Variants in FSHR observed in about 807,000 individuals in gnomAD.
FSHR encodes follicle stimulating hormone receptor.
In FSHR, 46 loss-of-function variants were observed where a neutral mutation model predicts 52.1. The observed-to-expected ratio is 0.88, with a 90% CI of 0.70 to 1.13. The LOEUF (loss-of-function observed/expected upper bound fraction) is 1.13, where lower values mean the gene tolerates loss of function less well. FSHR is among the 50% of genes most tolerant of loss of function. The pLI is 0.00. For synonymous variants in FSHR, 399 were observed against 309.6 expected (o/e 1.29, Z -3.03); for missense variants, 964 against 834.6 (o/e 1.16, Z -1.91).
intron 1 of FSHR, among the ~76,000 whole-genome samples, chr2:49,095,932 A>C (rs1670808577): frequency 6.6e-6 from 1 of 152,194 alleles, no homozygotes; most frequent in South Asian, 2.1e-4. Flanking sequence ...CTTTACATTC[A>C]CTAGGATGAC....
At chr2:49,112,456 GATA>G (rs1671456251) in intron 1 of FSHR, among the ~76,000 whole-genome samples, 1 of 152,166 alleles carries the variant, frequency 6.6e-6, no homozygotes, top group Non-Finnish European at 1.5e-5. Context: ...ACCATTTACT[GATA>G]ATTATTGAAG....
intron 1 of FSHR, among the ~76,000 whole-genome samples, chr2:49,107,894 A>C (rs961083327): frequency 6.6e-6 from 1 of 152,128 alleles, no homozygotes; most frequent in African/African-American, 2.4e-5. Context: ...ATGAATATTG[A>C]AATATATTTT....
chr2:48,985,880 A>AT lies in FSHR; in HGVS notation c.525-2715dup, dbSNP rs549066211. Among the ~76,000 whole-genome samples the AT allele has an allele frequency of 6.6e-3, 974 of 147,270 alleles. 17 individuals carry two copies. The highest frequency in any genetic ancestry group is 0.023 in the African/African-American group (911 of 40,000). The stretch of plus-strand genomic sequence containing the variant: ...AGGCGCCCGCCACTGCGCCCGGCTA[A>AT]TTTTTTGTATTTTTAGTAGAGACGG... On this transcript the variant is annotated intron_variant, in intron 6 of 9. Transcript: ENST00000406846.
chr2:49,008,519 T>A lies in FSHR; in HGVS notation c.374+8970A>T, dbSNP rs1210360600. On this transcript the variant is annotated intron_variant, in intron 4 of 9. Transcript: ENST00000406846. The stretch of plus-strand genomic sequence containing the variant: ...CATGTGTCTTAATAGCAGCATGATT[T>A]ATAGTCCCTTGGGTATATACCCAGT... Among the ~76,000 whole-genome samples the A allele has an allele frequency of 2.6e-5, 4 of 152,024 alleles. No individual in the cohort carries two copies. The East Asian group carries it at 7.7e-4, about 29-fold the overall frequency.
chr2:49,084,336 A>C (rs914313882), intron 1 of FSHR, among the ~76,000 whole-genome samples: 24 of 152,252 alleles, frequency 1.6e-4, no homozygotes, highest in African/African-American at 5.8e-4. Flanking sequence ...TCTGGGACGC[A>C]TTCAAAGCAG....
intron 1 of FSHR, among the ~76,000 whole-genome samples, chr2:49,151,501 G>C (rs1240582081): frequency 6.6e-6 from 1 of 152,062 alleles, no homozygotes; most frequent in Non-Finnish European, 1.5e-5. Context: ...TAGGAAATTA[G>C]CAATCTTTCG....
At chr2:49,106,884 G>T (rs1671243135) in intron 1 of FSHR, among the ~76,000 whole-genome samples, 1 of 152,180 alleles carries the variant, frequency 6.6e-6, no homozygotes, top group African/African-American at 2.4e-5. Context: ...TGTGGGGTCT[G>T]GAGCAGCCTC....
chr2:48,980,381 C>T (rs1224757692), intron 8 of FSHR, among the ~76,000 whole-genome samples: 2 of 152,168 alleles, frequency 1.3e-5, no homozygotes, highest in Non-Finnish European at 2.9e-5. Context: ...AACTTGAGGA[C>T]CTTGTAGAAT....
intron 2 of FSHR, among the ~76,000 whole-genome samples, chr2:49,032,688 G>C (rs1668141275): frequency 6.6e-6 from 1 of 152,144 alleles, no homozygotes; most frequent in Admixed American, 6.6e-5. Flanking sequence ...AGAAAAGTTA[G>C]GTGATTTACC....
chr2:48,999,081 T>C (rs187510449), intron 4 of FSHR, among the ~76,000 whole-genome samples: 1 of 152,186 alleles, frequency 6.6e-6, no homozygotes, highest in East Asian at 1.9e-4. Context: ...GTGCATAGGA[T>C]ACTTTGCTTG....
chr2:49,061,332 A>G (rs962802275), intron 2 of FSHR, among the ~76,000 whole-genome samples: 1 of 152,036 alleles, frequency 6.6e-6, no homozygotes, highest in African/African-American at 2.4e-5. Flanking sequence ...AAAGACAAAT[A>G]TAAACTGAAA....
chr2:48,977,474 T>C (rs1380886749), intron 8 of FSHR, among the ~76,000 whole-genome samples: 1 of 152,152 alleles, frequency 6.6e-6, no homozygotes, highest in East Asian at 1.9e-4. Context: ...GGGAAAGGAC[T>C]GAGGGTAGGA....
intron 8 of FSHR, 86 bp downstream of exon 8, chr2:48,982,826 G>T: frequency 2.6e-6 from 3 of 1,173,442 alleles, no homozygotes; most frequent in East Asian, 2.4e-5. Flanking sequence ...GCCCTGTGTT[G>T]GAAGCTTCTC....
At chr2:48,974,386 G>C (rs769271049) in intron 8 of FSHR, among the ~76,000 whole-genome samples, 11 of 152,272 alleles carry the variant, frequency 7.2e-5, no homozygotes, top group Middle Eastern at 3.4e-3. Flanking sequence ...TGTTATTTTG[G>C]ATTCCTTCTT....
At chr2:48,979,691 A>C (rs1391160271) in intron 8 of FSHR, among the ~76,000 whole-genome samples, 1 of 152,192 alleles carries the variant, frequency 6.6e-6, no homozygotes, top group African/African-American at 2.4e-5. Flanking sequence ...CCATGGGATC[A>C]GCTGAGCCTT....
At chr2:49,078,112 A>C (rs1670017357) in intron 1 of FSHR, among the ~76,000 whole-genome samples, 1 of 152,156 alleles carries the variant, frequency 6.6e-6, no homozygotes, top group South Asian at 2.1e-4. Context: ...GCTGCTGATA[A>C]AGACATTTCT....
At chr2:49,127,816 T>C (rs1672083982) in intron 1 of FSHR, among the ~76,000 whole-genome samples, 3 of 57,796 alleles carry the variant, frequency 5.2e-5, no homozygotes, top group African/African-American at 2.2e-4. Flanking sequence ...TTCTTCTTCT[T>C]CTTCTTCTTC....
chr2:49,093,882 C>A (rs1425433587), intron 1 of FSHR, among the ~76,000 whole-genome samples: 1 of 151,986 alleles, frequency 6.6e-6, no homozygotes, highest in Non-Finnish European at 1.5e-5. Context: ...TAGGCATGAG[C>A]CACTGTGCCT....
rs1378015703 is a variant in FSHR, at chr2:48,962,390, A to G, written c.*343T>C. ...TAACTCTTTGAGTCGTGGTTTCCTC[A>G]TTTGTAAAACTCCAAGAATAATCCC... On this transcript the variant is annotated 3_prime_UTR_variant, in exon 10 of 10. Coordinates refer to ENST00000406846, the MANE Select transcript of FSHR (RefSeq NM_000145.4). The G allele has an allele frequency of 2.2e-5, 6 of 278,298 alleles. No homozygotes were observed. In the East Asian group the frequency reaches 5.6e-4, roughly 26 times the overall value. The allele number at this position is 278,298 out of a possible 1,614,324, so 17.2% of individuals were successfully genotyped here. A position where few individuals can be genotyped will look rare whatever the true frequency, so the allele number is the denominator to read the frequency against.
Sources: gnomAD v4.1 joint callset for allele counts (sites outside exome capture counted in the v4.1 genomes callset) on GRCh38, gnomAD v4.1.1 for gene constraint, MANE v1.5 for transcripts, NCBI Gene and HGNC (gene_info 2026-07-23, HGNC 2026-07-21) for gene names.